Variants in FUT8 observed in about 807,000 individuals in gnomAD.
FUT8 encodes the protein alpha-(1,6)-fucosyltransferase.
FUT8 carries 29 observed loss-of-function variants against 71.3 expected under a neutral mutation model. The ratio of observed to expected loss-of-function variants is 0.41; its 90% CI spans 0.30 to 0.55. The LOEUF is 0.55. FUT8 is among the 20% of genes least tolerant of loss of function. The probability of loss-of-function intolerance (pLI) is 0.34; values close to 1 mark genes in which losing one functional copy is unlikely to be tolerated. For synonymous variants in FUT8, 254 were observed against 239.3 expected, an observed-to-expected ratio of 1.06 and a Z score of -0.57; for missense variants, 544 against 702.1, an observed-to-expected ratio of 0.77 and a Z score of 2.55.
At chr14:65,717,534 C>A in intron 7 of FUT8, among the ~76,000 whole-genome samples, 1 of 117,462 alleles carries the variant, frequency 8.5e-6, no homozygotes, top group Non-Finnish European at 1.7e-5. Flanking sequence ...GGCGGCCGGG[C>A]AGAGGCGCTC....
At chr14:65,525,817 G>T (rs553031364) in intron 2 of FUT8, among the ~76,000 whole-genome samples, 4 of 152,068 alleles carry the variant, frequency 2.6e-5, no homozygotes, top group Admixed American at 2.0e-4. Flanking sequence ...ATTTCGTTAC[G>T]TACCCAGTAG....
At position 65,742,624 on chromosome 14, in the gene FUT8, C is replaced by G. The variant is rs536098850; in HGVS notation, c.*214C>G. The G allele has an allele frequency of 5.4e-6, 3 of 554,074 alleles. No homozygotes were observed. In the Admixed American group the frequency reaches 9.2e-5, roughly 17 times the overall value. 34.3% of individuals were successfully genotyped at this position (554,074 alleles called of 1,614,324 possible). A position where few individuals can be genotyped will look rare whatever the true frequency, so the allele number is the denominator to read the frequency against. The stretch of plus-strand genomic sequence containing the variant: ...GCTGCAATGCCCTCATACCCATGCA[C>G]AGTACAATAATGTACTCACATATAA... On this transcript the variant is annotated 3_prime_UTR_variant, in exon 11 of 11. Coordinates refer to ENST00000673929, the MANE Select transcript of FUT8 (RefSeq NM_001371533.1).
At chr14:65,411,846 G>A, upstream of FUT8, 1 of 356,944 alleles carries the variant, frequency 2.8e-6, no homozygotes, top group South Asian at 2.1e-5. Flanking sequence ...ATTGGCCTCG[G>A]CGGCACCCCT....
At chr14:65,560,803 T>C (rs1885876785) in intron 2 of FUT8, among the ~76,000 whole-genome samples, 1 of 152,210 alleles carries the variant, frequency 6.6e-6, no homozygotes, top group Non-Finnish European at 1.5e-5. Context: ...TTGGCTAATA[T>C]GCATGTCAGT....
At chr14:65,588,701 G>A (rs1355389674) in intron 3 of FUT8, among the ~76,000 whole-genome samples, 11 of 131,300 alleles carry the variant, frequency 8.4e-5, no homozygotes, top group Admixed American at 8.3e-4. Context: ...ACTGTGGTCT[G>A]AAAATAAGAT....
chr14:65,536,422 T>C (rs1884316100), intron 2 of FUT8, among the ~76,000 whole-genome samples: 1 of 152,242 alleles, frequency 6.6e-6, no homozygotes, highest in Admixed American at 6.5e-5. Flanking sequence ...AGTGCTTCTT[T>C]AAGGGGCTCT....
chr14:65,536,347 C>G (rs895470141), intron 2 of FUT8, among the ~76,000 whole-genome samples: 2 of 152,154 alleles, frequency 1.3e-5, no homozygotes, highest in Non-Finnish European at 2.9e-5. Flanking sequence ...TTTATAGTGT[C>G]ACTTGGTCTG....
At chr14:65,538,482 G>T (rs879184757) in intron 2 of FUT8, among the ~76,000 whole-genome samples, 1 of 152,130 alleles carries the variant, frequency 6.6e-6, no homozygotes, top group Non-Finnish European at 1.5e-5. Flanking sequence ...AGTTAGAGAG[G>T]TTCCTCCTGG....
At chr14:65,463,171 T>C (rs1353703553) in intron 2 of FUT8, among the ~76,000 whole-genome samples, 3 of 152,208 alleles carry the variant, frequency 2.0e-5, no homozygotes, top group African/African-American at 7.2e-5. Flanking sequence ...AGAAATTAAA[T>C]AGACATAATT....
intron 1 of FUT8, among the ~76,000 whole-genome samples, chr14:65,420,475 A>G (rs1367454893): frequency 6.6e-6 from 1 of 152,072 alleles, no homozygotes; most frequent in Non-Finnish European, 1.5e-5. Flanking sequence ...AAGTACCTGA[A>G]AGGAAATAAT....
chr14:65,666,589 A>G (rs759570335), intron 6 of FUT8, among the ~76,000 whole-genome samples: 5 of 152,088 alleles, frequency 3.3e-5, no homozygotes, highest in Admixed American at 6.6e-5. Flanking sequence ...AAATTCTGCC[A>G]TACGTATAAG....
chr14:65,481,689 T>C (rs74642850), intron 2 of FUT8, among the ~76,000 whole-genome samples: 2,652 of 152,176 alleles, frequency 0.017, 78 homozygotes, highest in African/African-American at 0.061. Flanking sequence ...TTTCTAAAGT[T>C]TTTTTTTAAA....
intron 1 of FUT8, among the ~76,000 whole-genome samples, chr14:65,423,143 G>C (rs1396085437): frequency 6.6e-6 from 1 of 151,360 alleles, no homozygotes; most frequent in African/African-American, 2.4e-5. Flanking sequence ...ACACCACCAC[G>C]CCTGGCTAAT....
At chr14:65,658,136 A>G (rs1186621515) in intron 6 of FUT8, among the ~76,000 whole-genome samples, 1 of 152,146 alleles carries the variant, frequency 6.6e-6, no homozygotes, top group Non-Finnish European at 1.5e-5. Flanking sequence ...CAATCTAATT[A>G]GAAAATAGGC....
chr14:65,727,885 T>G (rs541071644), intron 9 of FUT8, among the ~76,000 whole-genome samples: 22 of 152,342 alleles, frequency 1.4e-4, no homozygotes, highest in African/African-American at 5.3e-4. Context: ...TAGAAATTTC[T>G]TCCGCCAGAT....
chr14:65,729,911 T>C (rs1247007309), intron 9 of FUT8, among the ~76,000 whole-genome samples: 1 of 152,212 alleles, frequency 6.6e-6, no homozygotes, highest in African/African-American at 2.4e-5. Context: ...TTTTTTCTCT[T>C]TGTAAATCCT....
At chr14:65,570,198 A>G (rs767343448) in intron 3 of FUT8, among the ~76,000 whole-genome samples, 8 of 152,058 alleles carry the variant, frequency 5.3e-5, no homozygotes, top group Non-Finnish European at 1.0e-4. Flanking sequence ...AGAATCCAGC[A>G]AATCAATCAT....
the FUT8 span, among the ~76,000 whole-genome samples, chr14:65,393,441 A>T: frequency 2.6e-5 from 4 of 152,150 alleles, no homozygotes; most frequent in African/African-American, 9.7e-5. Flanking sequence ...AGGCTGAGGG[A>T]GCTCTTCGCC....
intron 7 of FUT8, among the ~76,000 whole-genome samples, chr14:65,679,378 A>G (rs943528687): frequency 6.6e-6 from 1 of 152,248 alleles, no homozygotes; most frequent in Non-Finnish European, 1.5e-5. Flanking sequence ...CTTTGGAAAT[A>G]TAATACCTAG....
Sources: gnomAD v4.1 joint callset for allele counts (sites outside exome capture counted in the v4.1 genomes callset) on GRCh38, gnomAD v4.1.1 for gene constraint, MANE v1.5 for transcripts, NCBI Gene and HGNC (gene_info 2026-07-23, HGNC 2026-07-21) for gene names.